STMN3: variants seen among roughly 807,000 people sequenced by gnomAD.
STMN3 encodes stathmin-3.
Under a neutral mutation model 23.2 loss-of-function variants are expected in STMN3, and 24 were observed. That is an observed-to-expected ratio of 1.03 (90% confidence interval 0.75 to 1.45). STMN3 has a LOEUF of 1.45. STMN3 is among the 40% of genes most tolerant of loss of function. The pLI is 0.00. For missense variants in STMN3, 235 were observed against 237.6 expected (o/e 0.99, Z 0.07); for synonymous variants, 117 against 103.4 (o/e 1.13, Z -0.80).
chr20:63,647,991 T>TATATATACAC (rs1288050001), intron 1 of STMN3, among the ~76,000 whole-genome samples: 112 of 75,888 alleles, frequency 1.5e-3, no homozygotes, highest in Middle Eastern at 8.3e-3. Flanking sequence ...CATATATATA[T>TATATATACAC]ACAGAGAGAG....
chr20:63,652,832 G>GC lies in STMN3; in HGVS notation c.19+494dup. 1.0e-6 allele frequency: 1 copy of GC among 966,196 alleles called. No homozygotes were observed. Among genetic ancestry groups the GC allele is most frequent in the Non-Finnish European group, 1.2e-6 (1 of 812,430 alleles). 59.9% of individuals were successfully genotyped at this position (966,196 alleles called of 1,614,324 possible). On this transcript the variant is annotated intron_variant, in intron 1 of 4. Transcript: ENST00000370053. This position sits in a 1 kb window ranked among gnomAD's most constrained non-coding sequence, Gnocchi z 5.3. ...GTCTGGCCCGCCCCCCTCCTTCAGC[G>GC]CCCCCTCCAGCCCCTGTGCTGCACT...
chr20:63,643,251 C>G (rs1009311362), intron 3 of STMN3, among the ~76,000 whole-genome samples: 40 of 152,270 alleles, frequency 2.6e-4, no homozygotes, highest in African/African-American at 8.9e-4. Flanking sequence ...GCCTCGGAAC[C>G]CTTCCTCCTC....
intron 1 of STMN3, among the ~76,000 whole-genome samples, chr20:63,647,397 A>T (rs2089817375): frequency 1.3e-5 from 2 of 149,654 alleles, no homozygotes; most frequent in Non-Finnish European, 3.0e-5. Flanking sequence ...CGGGCAGATC[A>T]TGAGGTCAGG....
Position 63,647,778 on chromosome 20 carries a change from GTA to G in STMN3, c.20-3471_20-3470del, listed in dbSNP as rs779038295. Among the ~76,000 whole-genome samples the G allele has an allele frequency of 5.4e-3, 625 of 116,420 alleles. 11 individuals are homozygous for G. The highest frequency in any genetic ancestry group is 0.018 in the African/African-American group (559 of 31,362). 76.4% of individuals were successfully genotyped at this position (116,420 alleles called of 152,430 possible). On this transcript the variant is annotated intron_variant, in intron 1 of 4. Transcript: ENST00000370053. ...ATAATATATATACATATATACACGT[GTA>G]TATATATAATATATATACGTATATA...
chr20:63,643,669 C>G (rs540060284), intron 3 of STMN3, 87 bp downstream of exon 3: 1 of 1,446,692 alleles, frequency 6.9e-7, no homozygotes, highest in African/African-American at 1.5e-5. Context: ...CAAGCCTGTC[C>G]GGGAGCACCC....
rs891062505 is a variant in STMN3 at position 63,652,926 on chromosome 20, C to T, written c.19+401G>A. On this transcript the variant is annotated intron_variant, in intron 1 of 4. Transcript: ENST00000370053. This position sits in a 1 kb window ranked among gnomAD's most constrained non-coding sequence, Gnocchi z 5.3. ...GTCCCACCCTCTCCCCGCCTCCCCACGAAGGCTCTGGCGGACCCAGATCTC... is the reference window on the plus strand; with the variant it reads ...GTCCCACCCTCTCCCCGCCTCCCCATGAAGGCTCTGGCGGACCCAGATCTC... Among the ~76,000 whole-genome samples the T allele has an allele frequency of 6.6e-6, 1 of 152,028 alleles. No homozygotes were observed. The highest frequency in any genetic ancestry group is 2.4e-5 in the African/African-American group (1 of 41,416).
chr20:63,644,170 GGGCAGGCACCGCAGGGAAGGGCAGGC>G lies in STMN3; in HGVS notation c.115+18_115+43del, dbSNP rs754452436. Reference sequence around the variant, plus strand: ...CGGAGGCCGGGGGAAAAGGTGAGGTGGGCAGGCACCGCAGGGAAGGGCAGGCGGCAGCCAGGCACTCACCCCCGTAC... The same window carrying G: ...CGGAGGCCGGGGGAAAAGGTGAGGTGGGCAGCCAGGCACTCACCCCCGTAC... On this transcript the variant is annotated intron_variant, in intron 2 of 4. Coordinates refer to ENST00000370053, the MANE Select transcript of STMN3 (RefSeq NM_015894.4). The G allele has an allele frequency of 2.7e-5, 41 of 1,545,666 alleles. No homozygotes were observed. The South Asian group carries it at 4.5e-4, about 17-fold the overall frequency.
At chr20:63,649,818 C>T (rs537139289) in intron 1 of STMN3, among the ~76,000 whole-genome samples, 1 of 150,348 alleles carries the variant, frequency 6.7e-6, no homozygotes, top group East Asian at 1.9e-4. Context: ...GTGTGAGCCA[C>T]CGCGCCTGGA....
rs1290485404 is a variant in STMN3 at position 63,640,666 on chromosome 20, C to T, written c.*672G>A. The T allele has an allele frequency of 6.0e-6, 1 of 165,536 alleles. No individual in the cohort carries two copies. Among genetic ancestry groups the T allele is most frequent in the Non-Finnish European group, 1.3e-5 (1 of 75,582 alleles). 10.3% of individuals were successfully genotyped at this position (165,536 alleles called of 1,614,324 possible). The stretch of plus-strand genomic sequence containing the variant: ...GACCATGCAGCCTGCTCATGGGTCC[C>T]TGGCAGAGAATGCCCACTCCCCAGC... On this transcript the variant is annotated 3_prime_UTR_variant, in exon 5 of 5. Coordinates refer to ENST00000370053, the MANE Select transcript of STMN3 (RefSeq NM_015894.4).
intron 2 of STMN3, 71 bp downstream of exon 2, chr20:63,644,143 G>A: frequency 6.8e-7 from 1 of 1,466,804 alleles, no homozygotes; most frequent in Non-Finnish European, 9.4e-7. Flanking sequence ...CAGAGAGACT[G>A]CCGGAGGCCG....
intron 1 of STMN3, among the ~76,000 whole-genome samples, chr20:63,647,531 G>A (rs2089818362): frequency 1.3e-5 from 2 of 149,336 alleles, no homozygotes; most frequent in Admixed American, 6.8e-5. Flanking sequence ...CGGGAGAATC[G>A]CTTGAACCCA....
intron 1 of STMN3, among the ~76,000 whole-genome samples, chr20:63,649,352 C>T (rs965882871): frequency 3.3e-5 from 5 of 152,028 alleles, no homozygotes; most frequent in African/African-American, 1.2e-4. Context: ...TGGTCAGGGG[C>T]GAGGCAGGGC....
At chr20:63,651,732 G>A (rs2089860186) in intron 1 of STMN3, among the ~76,000 whole-genome samples, 1 of 152,220 alleles carries the variant, frequency 6.6e-6, no homozygotes. Flanking sequence ...ACCCAGATAA[G>A]GAGACCCAGG....
Position 63,642,262 on chromosome 20 carries a change from C to A in STMN3, c.329G>T (p.Arg110Leu), listed in dbSNP as rs1225305233. The A allele has an allele frequency of 6.5e-7, 1 of 1,544,794 alleles. No homozygotes were observed. The highest frequency in any genetic ancestry group is 8.7e-7 in the Non-Finnish European group (1 of 1,147,250). ...EAQVLKQLAERREHEREVLHK... is the reference protein window; with the variant it reads ...EAQVLKQLAELREHEREVLHK... ...CAGCACCTCGCGCTCGTGCTCGCGCCGCTCCGCCAGCTGCTTCAGCACCTG... is the reference window on the plus strand; with the variant it reads ...CAGCACCTCGCGCTCGTGCTCGCGCAGCTCCGCCAGCTGCTTCAGCACCTG... The change falls in exon 4 of 5, where the codon CGG becomes CTG. Residue 110 changes from arginine (R) to leucine (L), a missense_variant. By Grantham distance (102) the Arg-to-Leu change is moderately radical (BLOSUM62 -2). Transcript: ENST00000370053.
intron 1 of STMN3, among the ~76,000 whole-genome samples, chr20:63,647,991 T>TATATATATACACACAC (rs1288050001): frequency 2.6e-5 from 2 of 75,892 alleles, no homozygotes; most frequent in Non-Finnish European, 5.4e-5. Context: ...CATATATATA[T>TATATATATACACACAC]ACAGAGAGAG....
In STMN3 at chr20:63,643,888, G is replaced by A; in HGVS notation, c.159C>T (p.Ser53=). 2 of 1,598,072 alleles carry A rather than the reference G, an allele frequency of 1.3e-6. No homozygotes were observed. The highest frequency in any genetic ancestry group is 1.7e-6 in the Non-Finnish European group (2 of 1,175,882). The change falls in exon 3 of 5, where the codon AGC becomes AGT. Residue 53 remains serine (S), a synonymous_variant. Coordinates refer to ENST00000370053, the MANE Select transcript of STMN3 (RefSeq NM_015894.4). ...AAGGGGACTTGAGGATGACCTCGAA[G>A]CTCTGGCCTGAGGCCCGCTTGTCCA... The part of the protein sequence containing the change: ...KQLDKRASGQ[S]FEVILKSPSD...
intron 1 of STMN3, among the ~76,000 whole-genome samples, chr20:63,646,458 C>T (rs1350303304): frequency 6.6e-6 from 1 of 151,784 alleles, no homozygotes; most frequent in Non-Finnish European, 1.5e-5. Flanking sequence ...GGGTTCACAC[C>T]ATTCTCCTGC....
intron 1 of STMN3, among the ~76,000 whole-genome samples, chr20:63,649,772 C>T (rs565982673): frequency 2.0e-5 from 3 of 151,276 alleles, no homozygotes; most frequent in East Asian, 1.9e-4. Context: ...CCTTGTGATC[C>T]GCCCGTCTCA....
intron 1 of STMN3, among the ~76,000 whole-genome samples, chr20:63,645,674 G>C (rs2089803558): frequency 6.6e-6 from 1 of 152,182 alleles, no homozygotes; most frequent in Non-Finnish European, 1.5e-5. Flanking sequence ...CTTTTGGCTG[G>C]GTGCAGTGGC....
Sources: allele counts gnomAD v4.1 joint callset (sites outside exome capture counted in the v4.1 genomes callset), GRCh38; gene constraint gnomAD v4.1.1; non-coding constraint Gnocchi (gnomAD v3.1); transcripts MANE v1.5; gene names NCBI Gene and HGNC (gene_info 2026-07-23, HGNC 2026-07-21).